Variants in RC3H1 observed in about 807,000 individuals in gnomAD.
RC3H1 encodes the protein roquin-1.
Under a neutral mutation model 138.2 loss-of-function variants are expected in RC3H1, and 50 were observed. The ratio of observed to expected loss-of-function variants is 0.36; its 90% CI spans 0.29 to 0.46. The LOEUF (loss-of-function observed/expected upper bound fraction) is 0.46. RC3H1 is among the 20% of genes least tolerant of loss of function. RC3H1 has a pLI of 1.00. For missense variants in RC3H1, 1,031 were observed against 1,388.1 expected, an observed-to-expected ratio of 0.74 and a Z score of 4.09; for synonymous variants, 462 against 489.1, an observed-to-expected ratio of 0.94 and a Z score of 0.73.
chr1:174,008,938 C>T (rs933546363), intron 1 of RC3H1, among the ~76,000 whole-genome samples: 4 of 146,384 alleles, frequency 2.7e-5, no homozygotes, highest in Non-Finnish European at 4.5e-5. Flanking sequence ...GATCGTACCA[C>T]TGCACTCCAG....
chr1:173,968,098 A>G (rs372009562), intron 9 of RC3H1, among the ~76,000 whole-genome samples: 1 of 152,126 alleles, frequency 6.6e-6, no homozygotes, highest in Admixed American at 6.6e-5. Flanking sequence ...ATGCATCTCA[A>G]ACTCCTCCTA....
In RC3H1 at chr1:173,934,114, A is replaced by G. The variant is rs758625581; in HGVS notation, c.*4607T>C. The stretch of plus-strand genomic sequence containing the variant: ...TTTACTCAATTATTTAAAACGAGCA[A>G]AAAGAGAGTAGAAAAATGGTGAGAC... On this transcript the variant is annotated 3_prime_UTR_variant, in exon 20 of 20. Transcript: ENST00000367696. The G allele has an allele frequency of 1.3e-5, 2 of 152,190 alleles. No homozygotes were observed. The highest frequency in any genetic ancestry group is 1.3e-4 in the Admixed American group (2 of 15,276). The allele number at this position is 152,190 out of a possible 1,614,324, so 9.4% of individuals were successfully genotyped here.
chr1:173,949,371 C>CT (rs963586149), intron 14 of RC3H1, among the ~76,000 whole-genome samples: 201 of 143,770 alleles, frequency 1.4e-3, no homozygotes, highest in Admixed American at 1.2e-3. Flanking sequence ...AATACCATTT[C>CT]TTTTTTTTTT....
chr1:174,009,129 G>A (rs1010706086), intron 1 of RC3H1: 1 of 152,062 alleles, frequency 6.6e-6, no homozygotes, highest in Admixed American at 6.6e-5. Flanking sequence ...TTAAATTCAC[G>A]CTTAGGTTTG....
chr1:173,961,366 A>T, intron 12 of RC3H1, 122 bp from the exon 13 acceptor site: 2 of 812,816 alleles, frequency 2.5e-6, no homozygotes, highest in Non-Finnish European at 3.7e-6. Context: ...ACATTTGGAA[A>T]CACCAACACT....
chr1:173,955,552 CT>C (rs202239884), intron 13 of RC3H1, among the ~76,000 whole-genome samples: 1,833 of 151,838 alleles, frequency 0.012, 45 homozygotes, highest in African/African-American at 0.042. Context: ...ATCTCCTGAC[CT>C]CATGATCTGC....
intron 1 of RC3H1, among the ~76,000 whole-genome samples, chr1:173,993,534 C>T (rs1661380153): frequency 6.6e-6 from 1 of 151,372 alleles, no homozygotes; most frequent in South Asian, 2.1e-4. Flanking sequence ...GCTGAGATTA[C>T]AGGCATGCAC....
chr1:173,942,494 T>C (rs553428491), intron 18 of RC3H1, among the ~76,000 whole-genome samples: 1 of 147,014 alleles, frequency 6.8e-6, no homozygotes, highest in South Asian at 2.1e-4. Context: ...ACATACTTAC[T>C]GAAAGCAAAA....
At chr1:173,989,893 A>ATTT (rs1437046918) in intron 2 of RC3H1, among the ~76,000 whole-genome samples, 22 of 149,306 alleles carry the variant, frequency 1.5e-4, no homozygotes, top group African/African-American at 4.7e-4. Flanking sequence ...CGCCCGGCTA[A>ATTT]TTTTTTGTAT....
Position 173,961,790 on chromosome 1 carries a change from G to C in RC3H1, c.2137C>G (p.Gln713Glu), listed in dbSNP as rs77941945. 9,918 of 1,613,258 alleles carry C rather than the reference G, an allele frequency of 6.1e-3. 39 individuals are homozygous for C. Among genetic ancestry groups the C allele is most frequent in the Non-Finnish European group, 6.7e-3 (7,941 of 1,179,920 alleles). ...ACTGGATAGTAACTCTCGATCTGTT[G>C]GTATCTTTCTCTGGATTCTGGTACA... ...SYVPESRERY[Q>E]QIESYYPVAP... is the part of the protein sequence containing the mutation. The change falls in exon 12 of 20, where the codon CAA becomes GAA. Residue 713 changes from glutamine (Q) to glutamate (E), a missense_variant. Physicochemically the swap from Gln to Glu is conservative, Grantham distance 29. Transcript: ENST00000367696.
chr1:173,976,341 C>T (rs1419802257), intron 7 of RC3H1, among the ~76,000 whole-genome samples: 1 of 151,638 alleles, frequency 6.6e-6, no homozygotes, highest in Non-Finnish European at 1.5e-5. Context: ...GTGGTACAAG[C>T]CTGTAATCCT....
At chr1:174,008,576 A>G (rs957747190) in intron 1 of RC3H1, among the ~76,000 whole-genome samples, 7 of 152,252 alleles carry the variant, frequency 4.6e-5, no homozygotes, top group Non-Finnish European at 1.0e-4. Context: ...AAAAATTGCT[A>G]CATGAACTCC....
Position 173,982,837 on chromosome 1 carries a change from T to C in RC3H1, c.658A>G (p.Lys220Glu). 6.2e-7 allele frequency: 1 copy of C among 1,613,788 alleles called. No individual in the cohort carries two copies. Among genetic ancestry groups the C allele is most frequent in the Non-Finnish European group, 8.5e-7 (1 of 1,179,850 alleles). ...TGCACCACAAACAGAACCAATACTT[T>C]TCTTGACAAAGCAGAACCATCTTCT... ...ALEDGSALSR[K>E]VLVLFVVQRL... is the part of the protein sequence containing the mutation. Residue 220 changes from lysine to glutamate, a missense_variant, in exon 5 of 20, where the codon AAA (lysine) becomes GAA (glutamate). By Grantham distance (56) the Lys-to-Glu change is moderately conservative. Around this residue, in one of 7 missense-constraint regions of RC3H1, gnomAD observed 53 missense variants for 137.4 expected, o/e 0.39. Coordinates refer to ENST00000367696, the MANE Select transcript of RC3H1 (RefSeq NM_172071.4).
At chr1:173,942,220 C>T (rs1293923453) in intron 18 of RC3H1, among the ~76,000 whole-genome samples, 1 of 144,348 alleles carries the variant, frequency 6.9e-6, no homozygotes, top group African/African-American at 2.6e-5. Flanking sequence ...CCAGCCTGGG[C>T]AATAGTGCGA....
chr1:173,940,707 A>C (rs1658816413), intron 19 of RC3H1, among the ~76,000 whole-genome samples: 2 of 152,164 alleles, frequency 1.3e-5, no homozygotes, highest in Non-Finnish European at 2.9e-5. Flanking sequence ...CTGTATTCGA[A>C]ATAAATTTAA....
At chr1:173,983,313 A>G (rs2103012887) in intron 4 of RC3H1, 105 bp downstream of exon 4, 1 of 1,356,440 alleles carries the variant, frequency 7.4e-7, no homozygotes, top group South Asian at 1.4e-5. Flanking sequence ...ATTAGTTGGT[A>G]ACAATAAAAT....
rs747496235 is a variant in RC3H1 at position 173,961,264 on chromosome 1, T to C, written c.2203-20A>G. The C allele has an allele frequency of 6.3e-7, 1 of 1,596,378 alleles. No homozygotes were observed. The highest frequency in any genetic ancestry group is 8.5e-7 in the Non-Finnish European group (1 of 1,172,298). ...AGGTTCCTAAAAATAGAAAGATTAG[T>C]TAAAATTGAAAGAGAATTTCAGGAC... On this transcript the variant is annotated intron_variant, in intron 12 of 19. Transcript: ENST00000367696.
chr1:173,955,365 TG>T (rs1181465346), intron 13 of RC3H1, among the ~76,000 whole-genome samples: 1 of 147,742 alleles, frequency 6.8e-6, no homozygotes. Context: ...TCACCTAGGT[TG>T]GAGTGCAGTG....
chr1:174,010,603 G>A (rs1022394966), intron 1 of RC3H1, among the ~76,000 whole-genome samples: 5 of 151,456 alleles, frequency 3.3e-5, no homozygotes, highest in Non-Finnish European at 5.9e-5. Context: ...TTTTATAGAC[G>A]AGGTCTCACA....
Sources: allele counts gnomAD v4.1 joint callset (sites outside exome capture counted in the v4.1 genomes callset), GRCh38; gene constraint gnomAD v4.1.1; regional missense constraint gnomAD v4.1.1; transcripts MANE v1.5; gene names NCBI Gene and HGNC (gene_info 2026-07-23, HGNC 2026-07-21).